TARBP1: variants seen among roughly 807,000 people sequenced by gnomAD.
TARBP1 encodes the protein tRNA guanosine 2 -O-methyltransferase TARBP1.
TARBP1 carries 144 observed loss-of-function variants against 178.6 expected under a neutral mutation model. The ratio of observed to expected loss-of-function variants is 0.81; its 90% CI spans 0.70 to 0.93. TARBP1 has a LOEUF of 0.93. TARBP1 is among the 40% of genes least tolerant of loss of function. The pLI, the probability that TARBP1 is intolerant of heterozygous loss-of-function variation, is 0.00. For missense variants in TARBP1, 2,067 were observed against 2,011.7 expected, an observed-to-expected ratio of 1.03 and a Z score of -0.53; for synonymous variants, 787 against 781.0, an observed-to-expected ratio of 1.01 and a Z score of -0.13.
chr1:234,424,724 G>A (rs1219429485), intron 20 of TARBP1, among the ~76,000 whole-genome samples: 1 of 152,056 alleles, frequency 6.6e-6, no homozygotes, highest in African/African-American at 2.4e-5. Context: ...CCAGGAGTTC[G>A]AGACCATTCT....
chr1:234,472,989 G>A (rs1434274203), intron 1 of TARBP1, among the ~76,000 whole-genome samples, 178 bp from the exon 2 acceptor site: 2 of 134,108 alleles, frequency 1.5e-5, no homozygotes, highest in East Asian at 2.5e-4. Context: ...ATTTTTTTTT[G>A]CACTAAGATT....
chr1:234,421,149 C>T (rs913796451), intron 20 of TARBP1, among the ~76,000 whole-genome samples: 1 of 152,130 alleles, frequency 6.6e-6, no homozygotes, highest in African/African-American at 2.4e-5. Flanking sequence ...AGTGCAATGG[C>T]GTGATCTCAG....
chr1:234,430,016 A>G, intron 15 of TARBP1, 71 bp downstream of exon 15: 2 of 1,398,644 alleles, frequency 1.4e-6, no homozygotes, highest in Non-Finnish European at 9.8e-7. Flanking sequence ...CTTTATAAGC[A>G]ATGTTGGGCA....
At chr1:234,470,468 C>T (rs1006090155) in intron 3 of TARBP1, among the ~76,000 whole-genome samples, 1 of 152,076 alleles carries the variant, frequency 6.6e-6, no homozygotes, top group African/African-American at 2.4e-5. Context: ...GCAAGGCTGG[C>T]CGTGAGACGA....
chr1:234,415,499 C>G (rs1007363324), intron 22 of TARBP1, among the ~76,000 whole-genome samples: 2 of 152,112 alleles, frequency 1.3e-5, no homozygotes, highest in African/African-American at 4.8e-5. Flanking sequence ...TCCTGAATCC[C>G]CTTCCAAGTT....
intron 4 of TARBP1, among the ~76,000 whole-genome samples, chr1:234,467,245 G>T (rs975517138): frequency 3.3e-5 from 5 of 152,172 alleles, no homozygotes; most frequent in Non-Finnish European, 7.3e-5. Context: ...TTATGCTTAC[G>T]ATTCTTGACT....
intron 20 of TARBP1, among the ~76,000 whole-genome samples, chr1:234,421,675 A>G (rs141112413): frequency 1.3e-5 from 2 of 152,368 alleles, no homozygotes; most frequent in Non-Finnish European, 2.9e-5. Context: ...TCCTAGTAAC[A>G]GATAGCTCTC....
chr1:234,425,757 A>G lies in TARBP1; in HGVS notation c.3360T>C (p.Ala1120=). 1 of 1,600,840 alleles carries G rather than the reference A, an allele frequency of 6.2e-7. No individual in the cohort carries two copies. Among genetic ancestry groups the G allele is most frequent in the Non-Finnish European group, 8.6e-7 (1 of 1,168,888 alleles). ...KREDHYVRIC[A]VKFLCLLDGS... ...CATCTAATAAACACAGGAATTTGAC[A>G]GCACAAATTCTCACATAATGGTCTT... is the stretch of plus-strand genomic sequence containing the variant. The change falls in exon 20 of 30, where the codon GCT becomes GCC. Residue 1120 remains alanine, a synonymous_variant. Transcript: ENST00000040877.
intron 25 of TARBP1, 46 bp from the exon 26 acceptor site, chr1:234,398,599 C>T (rs772746865): frequency 2.7e-5 from 37 of 1,370,126 alleles, no homozygotes; most frequent in Non-Finnish European, 3.3e-5. Context: ...TTAAGAATAA[C>T]AAAGAAATAT....
intron 21 of TARBP1, 77 bp downstream of exon 21, chr1:234,420,623 GTA>G: frequency 1.2e-6 from 1 of 845,618 alleles, no homozygotes; most frequent in Non-Finnish European, 1.8e-6. Flanking sequence ...TTTTAAAATA[GTA>G]TATGATAGTT....
At chr1:234,425,873 T>A in intron 19 of TARBP1, 80 bp from the exon 20 acceptor site, 9 of 1,171,586 alleles carry the variant, frequency 7.7e-6, no homozygotes, top group Non-Finnish European at 6.0e-6. Flanking sequence ...TCAAATATCA[T>A]TACACGATCA....
intron 24 of TARBP1, among the ~76,000 whole-genome samples, chr1:234,403,673 G>A (rs1165691047): frequency 6.6e-6 from 1 of 152,018 alleles, no homozygotes; most frequent in Non-Finnish European, 1.5e-5. Flanking sequence ...AATGCCCAGG[G>A]TGCCTTATTT....
At chr1:234,437,430 C>T in intron 12 of TARBP1, 58 bp from the exon 13 acceptor site, 1 of 786,556 alleles carries the variant, frequency 1.3e-6, no homozygotes, top group Non-Finnish European at 2.0e-6. Flanking sequence ...GTACAAAACA[C>T]ACCAGATATT....
chr1:234,403,299 A>G (rs1406273764), intron 24 of TARBP1, among the ~76,000 whole-genome samples: 3 of 152,192 alleles, frequency 2.0e-5, no homozygotes, highest in Non-Finnish European at 4.4e-5. Flanking sequence ...TGTCTTCTGC[A>G]CAGAAATCTC....
intron 12 of TARBP1, among the ~76,000 whole-genome samples, chr1:234,442,076 C>G (rs968918064): frequency 6.6e-6 from 1 of 152,086 alleles, no homozygotes; most frequent in South Asian, 2.1e-4. Context: ...AAAAAACTAA[C>G]CTTGACCTAA....
chr1:234,430,375 T>C (rs1664301393), intron 14 of TARBP1, 74 bp from the exon 15 acceptor site: 3 of 1,361,806 alleles, frequency 2.2e-6, no homozygotes, highest in Non-Finnish European at 3.0e-6. Context: ...GTTGCCAGTC[T>C]ATGGAAAGCT....
intron 1 of TARBP1, among the ~76,000 whole-genome samples, chr1:234,473,194 T>G (rs115816402): frequency 1.9e-4 from 29 of 152,236 alleles, no homozygotes; most frequent in South Asian, 4.1e-4. Context: ...ACTCAAGTCA[T>G]GAGAATTTTA....
chr1:234,440,488 C>T (rs375181624), intron 12 of TARBP1, among the ~76,000 whole-genome samples: 30 of 151,856 alleles, frequency 2.0e-4, no homozygotes, highest in South Asian at 1.0e-3. Flanking sequence ...TGAGTAAGCA[C>T]GCACACACAC....
intron 14 of TARBP1, among the ~76,000 whole-genome samples, chr1:234,432,786 A>C (rs1664601762): frequency 6.6e-6 from 1 of 152,172 alleles, no homozygotes; most frequent in African/African-American, 2.4e-5. Context: ...AGGAGGGGGA[A>C]AGGCATTAGA....
Sources: gnomAD v4.1 joint callset for allele counts (sites outside exome capture counted in the v4.1 genomes callset) on GRCh38, gnomAD v4.1.1 for gene constraint, MANE v1.5 for transcripts, NCBI Gene and HGNC (gene_info 2026-07-23, HGNC 2026-07-21) for gene names.